Variants in RALGAPA1 observed in about 807,000 individuals in gnomAD.
The protein encoded by RALGAPA1 is ral GTPase-activating protein subunit alpha-1.
In RALGAPA1, 52 loss-of-function variants were observed where a neutral mutation model predicts 269.6. That is an observed-to-expected ratio of 0.19 (90% CI 0.15 to 0.24). The LOEUF (loss-of-function observed/expected upper bound fraction) is 0.24. Among genes scored for constraint, RALGAPA1 ranks in the 10% least tolerant of loss-of-function variants. The pLI, the probability that RALGAPA1 is intolerant of heterozygous loss-of-function variation, is 1.00. For synonymous variants in RALGAPA1, 817 were observed against 1,008.3 expected (o/e 0.81, Z 3.60); for missense variants, 1,917 against 3,013.9 (o/e 0.64, Z 8.52).
At chr14:35,704,240 T>G (rs2067603690) in intron 16 of RALGAPA1, among the ~76,000 whole-genome samples, 1 of 152,136 alleles carries the variant, frequency 6.6e-6, no homozygotes, top group African/African-American at 2.4e-5. Context: ...AAATCATAAA[T>G]GCAAGCAAGT....
intron 35 of RALGAPA1, among the ~76,000 whole-genome samples, chr14:35,606,319 C>A (rs1348993836): frequency 6.6e-6 from 1 of 152,112 alleles, no homozygotes; most frequent in Non-Finnish European, 1.5e-5. Flanking sequence ...TCAGGTATAT[C>A]CTATTGTTGC....
chr14:35,630,293 G>T (rs766982193), intron 33 of RALGAPA1, among the ~76,000 whole-genome samples: 16 of 145,016 alleles, frequency 1.1e-4, no homozygotes, highest in African/African-American at 3.0e-4. Flanking sequence ...TTATTTACTG[G>T]TTTTTTTTTT....
intron 12 of RALGAPA1, among the ~76,000 whole-genome samples, chr14:35,736,372 G>A (rs926196028): frequency 6.6e-6 from 1 of 152,174 alleles, no homozygotes; most frequent in Non-Finnish European, 1.5e-5. Context: ...GAATTCAGAT[G>A]AGAGATCCTA....
At chr14:35,657,686 TA>T (rs2063281113) in intron 28 of RALGAPA1, among the ~76,000 whole-genome samples, 1 of 138,564 alleles carries the variant, frequency 7.2e-6, no homozygotes, top group Non-Finnish European at 1.5e-5. Flanking sequence ...CATATATATA[TA>T]TATTTTTTTT....
intron 41 of RALGAPA1, 49 bp downstream of exon 41, chr14:35,548,459 A>T: frequency 7.1e-7 from 1 of 1,406,982 alleles, no homozygotes; most frequent in Non-Finnish European, 9.7e-7. Flanking sequence ...TTTTGAAAAA[A>T]GGAAATGGGA....
At chr14:35,744,236 T>C (rs148114321) in intron 10 of RALGAPA1, among the ~76,000 whole-genome samples, 1,976 of 152,126 alleles carry the variant, frequency 0.013, 17 homozygotes, top group South Asian at 0.024. Flanking sequence ...CCGGGTGTGG[T>C]GGCGCATGCC....
Position 35,689,363 on chromosome 14 carries a change from G to T in RALGAPA1, c.3048C>A (p.Phe1016Leu). 3 of 1,232,282 alleles carry T rather than the reference G, an allele frequency of 2.4e-6. No individual in the cohort carries two copies. The highest frequency in any genetic ancestry group is 3.0e-6 in the Non-Finnish European group (3 of 988,070). The allele number at this position is 1,232,282 out of a possible 1,614,324, so 76.3% of individuals were successfully genotyped here. Residue 1016 changes from phenylalanine to leucine, a missense_variant, in exon 18 of 42, where the codon TTC becomes TTA. Around this residue, in one of 11 missense-constraint regions of RALGAPA1, gnomAD observed 615 missense variants for 790.0 expected, o/e 0.78. Transcript: ENST00000680220. The part of the protein sequence containing the change: ...QFQKEPNSAV[F>L]MSNIAPNQSD... ...ACTGGTTAGGTGCGATATTACTCAT[G>T]AAGACAGCTGAGTTTGGTTCTTTCT... is the stretch of plus-strand genomic sequence containing the variant.
chr14:35,610,198 ATAT>A (rs750010595), intron 35 of RALGAPA1, among the ~76,000 whole-genome samples: 5 of 151,946 alleles, frequency 3.3e-5, no homozygotes, highest in Non-Finnish European at 7.4e-5. Context: ...GAAATAAAAA[ATAT>A]TATAAGGAAA....
rs112450266 is a variant in RALGAPA1, at chr14:35,657,184, TC to T, written c.5388-1270del. On this transcript the variant is annotated intron_variant, in intron 28 of 41. Transcript: ENST00000680220. ...GGGTATTAAGTTTCTTTTTTCTTTT[TC>T]TTTTTTCTTTTTTTTTTTTGAGACA... Among the ~76,000 whole-genome samples the T allele has an allele frequency of 4.3e-4, 66 of 151,822 alleles. 1 individual carries two copies. The highest frequency in any genetic ancestry group is 1.4e-3 in the African/African-American group (58 of 41,478).
chr14:35,789,748 A>G (rs1337542395), intron 1 of RALGAPA1, among the ~76,000 whole-genome samples: 1 of 152,212 alleles, frequency 6.6e-6, no homozygotes, highest in Non-Finnish European at 1.5e-5. Context: ...GTTAGAAGAA[A>G]AGAGATCTGG....
In RALGAPA1 at chr14:35,651,846, A is replaced by G. The variant is rs996407233; in HGVS notation, c.5635T>C (p.Leu1879=). Residue 1879 remains leucine (L), a synonymous_variant, in exon 31 of 42, where the codon TTA becomes CTA. Transcript: ENST00000680220. ...TAAGATGAAGCCTCTGTACTTGGTA[A>G]AAGATGGGTGATGGTAGCTATTAGG... is the stretch of plus-strand genomic sequence containing the variant. The part of the protein sequence containing the change: ...QILIATITHL[L]PSTEASSYEM... 2 of 1,606,026 alleles carry G rather than the reference A, an allele frequency of 1.2e-6. No individual in the cohort carries two copies. The highest frequency in any genetic ancestry group is 1.7e-6 in the Non-Finnish European group (2 of 1,177,442).
At chr14:35,777,327 T>C (rs2075112243) in intron 1 of RALGAPA1, among the ~76,000 whole-genome samples, 3 of 152,220 alleles carry the variant, frequency 2.0e-5, no homozygotes, top group Admixed American at 2.0e-4. Flanking sequence ...ACTTGAGATA[T>C]GCTTGCATGT....
chr14:35,792,817 G>GAGAAAGAAAGAAAGAA (rs72124498), intron 1 of RALGAPA1, among the ~76,000 whole-genome samples: 3 of 119,760 alleles, frequency 2.5e-5, no homozygotes, highest in African/African-American at 9.6e-5. Flanking sequence ...AAGAAAGAAA[G>GAGAAAGAAAGAAAGAA]AGAAAGAAAG....
chr14:35,741,518 G>T (rs760022319), intron 11 of RALGAPA1, among the ~76,000 whole-genome samples: 7 of 151,798 alleles, frequency 4.6e-5, no homozygotes, highest in Non-Finnish European at 1.0e-4. Context: ...TACAGAACTG[G>T]CCTATTCATC....
chr14:35,766,136 T>C (rs1033979348), intron 4 of RALGAPA1: 2 of 941,694 alleles, frequency 2.1e-6, no homozygotes, highest in Non-Finnish European at 3.5e-6. Flanking sequence ...GAAATCCTGC[T>C]GCCTACTGTG....
intron 12 of RALGAPA1, among the ~76,000 whole-genome samples, chr14:35,732,523 C>T (rs1323678761): frequency 6.6e-6 from 1 of 152,146 alleles, no homozygotes; most frequent in Non-Finnish European, 1.5e-5. Flanking sequence ...TCAACAAACA[C>T]AGAAGGACTC....
intron 11 of RALGAPA1, among the ~76,000 whole-genome samples, chr14:35,738,854 AAAC>A (rs1215497341): frequency 1.3e-5 from 2 of 152,176 alleles, no homozygotes; most frequent in South Asian, 2.1e-4. Flanking sequence ...ATAAAGTAAA[AAAC>A]AACAACAAAA....
At chr14:35,755,091 TA>T (rs2073054512) in intron 7 of RALGAPA1, among the ~76,000 whole-genome samples, 1 of 152,120 alleles carries the variant, frequency 6.6e-6, no homozygotes, top group Non-Finnish European at 1.5e-5. Context: ...CTCACGCCTA[TA>T]ATCACAGCAT....
intron 27 of RALGAPA1, 84 bp from the exon 28 acceptor site, chr14:35,659,280 G>A: frequency 2.0e-6 from 2 of 994,982 alleles, no homozygotes; most frequent in Non-Finnish European, 3.0e-6. Context: ...GGTTATTAAA[G>A]CAGTCTTTGT....
Sources: gnomAD v4.1 joint callset for allele counts (sites outside exome capture counted in the v4.1 genomes callset) on GRCh38, gnomAD v4.1.1 for gene constraint, gnomAD v4.1.1 regional missense constraint, MANE v1.5 for transcripts, NCBI Gene and HGNC (gene_info 2026-07-23, HGNC 2026-07-21) for gene names.